FRYL: variants seen among roughly 807,000 people sequenced by gnomAD.
The protein encoded by FRYL is protein furry homolog-like.
A neutral mutation model predicts 351.2 loss-of-function variants in FRYL; 150 were observed. The observed-to-expected ratio is 0.43, with a 90% CI of 0.37 to 0.49. The LOEUF (loss-of-function observed/expected upper bound fraction) is 0.49, where lower values mean the gene tolerates loss of function less well. Ranked by LOEUF, FRYL falls within the 20% of genes least tolerant of loss-of-function variation. The pLI, the probability that FRYL is intolerant of heterozygous loss-of-function variation, is 0.00. For synonymous variants in FRYL, 1,153 were observed against 1,257.1 expected (o/e 0.92, Z 1.75); for missense variants, 3,036 against 3,619.3 (o/e 0.84, Z 4.13).
chr4:48,585,388 T>C (rs1464355269), intron 19 of FRYL, among the ~76,000 whole-genome samples: 2 of 152,282 alleles, frequency 1.3e-5, no homozygotes, highest in Admixed American at 6.5e-5. Context: ...TGCCAGGGTG[T>C]GTGAAAAGCT....
chr4:48,707,400 G>T (rs1431778787), intron 2 of FRYL, among the ~76,000 whole-genome samples: 1 of 152,116 alleles, frequency 6.6e-6, no homozygotes, highest in African/African-American at 2.4e-5. Context: ...ATGATGTCTA[G>T]AATTTGCTTT....
At chr4:48,652,069 A>T (rs1313366447) in intron 3 of FRYL, among the ~76,000 whole-genome samples, 1 of 152,234 alleles carries the variant, frequency 6.6e-6, no homozygotes, top group Admixed American at 6.5e-5. Flanking sequence ...CTTTACAAAC[A>T]TCTGTTTTTG....
chr4:48,557,257 C>T (rs1734325972), intron 34 of FRYL, 139 bp from the exon 35 acceptor site: 6 of 1,225,494 alleles, frequency 4.9e-6, no homozygotes, highest in South Asian at 1.7e-5. Context: ...ACAATAATTT[C>T]TTCCAACAAA....
At chr4:48,600,948 T>C (rs911258061) in intron 13 of FRYL, among the ~76,000 whole-genome samples, 1 of 152,166 alleles carries the variant, frequency 6.6e-6, no homozygotes, top group Non-Finnish European at 1.5e-5. Flanking sequence ...TCAACGTTTA[T>C]CTAGAAGGAA....
chr4:48,672,215 G>A (rs776047104), intron 3 of FRYL, among the ~76,000 whole-genome samples: 26 of 152,192 alleles, frequency 1.7e-4, no homozygotes, highest in Non-Finnish European at 3.7e-4. Context: ...CTAGTCTAGA[G>A]CGATTAAGTA....
intron 29 of FRYL, 83 bp downstream of exon 29, chr4:48,565,448 C>G (rs1736564180): frequency 3.8e-6 from 4 of 1,056,700 alleles, no homozygotes; most frequent in Non-Finnish European, 5.3e-6. Context: ...CTCAGATCCT[C>G]TTTTTAATAC....
chr4:48,762,468 A>G (rs1774515325), intron 1 of FRYL, among the ~76,000 whole-genome samples: 1 of 152,188 alleles, frequency 6.6e-6, no homozygotes, highest in South Asian at 2.1e-4. Context: ...GGTAACAATA[A>G]ATTCTATTTT....
intron 26 of FRYL, among the ~76,000 whole-genome samples, 159 bp downstream of exon 26, chr4:48,573,026 TG>T (rs1738697218): frequency 6.6e-6 from 1 of 152,180 alleles, no homozygotes; most frequent in Admixed American, 6.5e-5. Context: ...TTTTACATAA[TG>T]GGTTTCTGCA....
intron 2 of FRYL, 148 bp from the exon 3 acceptor site, chr4:48,684,943 A>AT (rs1237729847): frequency 6.6e-6 from 1 of 152,164 alleles, no homozygotes; most frequent in Non-Finnish European, 1.5e-5. Flanking sequence ...GTTACATGAC[A>AT]TTTTTTCTAA....
chr4:48,510,036 G>A (rs747500062), intron 59 of FRYL, 23 bp downstream of exon 59: 56 of 1,549,014 alleles, frequency 3.6e-5, no homozygotes, highest in Non-Finnish European at 3.9e-5. Context: ...ACCACTTTTC[G>A]CACATGGTAA....
At chr4:48,734,633 GAT>G (rs1771098357) in intron 1 of FRYL, among the ~76,000 whole-genome samples, 1 of 152,162 alleles carries the variant, frequency 6.6e-6, no homozygotes, top group Non-Finnish European at 1.5e-5. Context: ...CAGTCACTAA[GAT>G]AGAACACATT....
chr4:48,731,381 T>C (rs1434625228), intron 1 of FRYL, among the ~76,000 whole-genome samples: 2 of 152,204 alleles, frequency 1.3e-5, no homozygotes, highest in African/African-American at 4.8e-5. Flanking sequence ...ATAGATTCCA[T>C]GCTATCCCCA....
chr4:48,747,186 G>A (rs1259948417), intron 1 of FRYL, among the ~76,000 whole-genome samples: 1 of 150,128 alleles, frequency 6.7e-6, no homozygotes, highest in African/African-American at 2.4e-5. Flanking sequence ...AAGATTCCAG[G>A]AAGAGAAGTA....
intron 16 of FRYL, among the ~76,000 whole-genome samples, chr4:48,591,074 T>TAATATTGTCTCTATAGATATTGTCTC (rs1743143307): frequency 9.9e-5 from 15 of 152,282 alleles, no homozygotes; most frequent in African/African-American, 3.4e-4. Flanking sequence ...TCTCTAAGGC[T>TAATATTGTCTCTATAGATATTGTCTC]TATAGCAATC....
intron 1 of FRYL, among the ~76,000 whole-genome samples, chr4:48,750,979 T>C (rs1441993985): frequency 6.6e-6 from 1 of 152,176 alleles, no homozygotes; most frequent in East Asian, 1.9e-4. Flanking sequence ...TGGAACTGAC[T>C]TCAGGCTGAG....
chr4:48,562,571 G>T (rs1735764213), intron 32 of FRYL, among the ~76,000 whole-genome samples: 1 of 152,096 alleles, frequency 6.6e-6, no homozygotes, highest in African/African-American at 2.4e-5. Context: ...AAAAAATTTG[G>T]ACACACATTG....
chr4:48,571,745 C>A, intron 26 of FRYL: 1 of 969,924 alleles, frequency 1.0e-6, no homozygotes, highest in Non-Finnish European at 1.2e-6. Flanking sequence ...AGGATGATTT[C>A]TTATCAGTCT....
chr4:48,669,307 G>A (rs1281304961), intron 3 of FRYL, among the ~76,000 whole-genome samples: 1 of 152,096 alleles, frequency 6.6e-6, no homozygotes, highest in Non-Finnish European at 1.5e-5. Flanking sequence ...CCTCAGAGTG[G>A]AGCTGAGTTC....
intron 1 of FRYL, among the ~76,000 whole-genome samples, chr4:48,717,954 GACATATTATTCT>G (rs1265567906): frequency 6.6e-6 from 1 of 151,498 alleles, no homozygotes; most frequent in African/African-American, 2.4e-5. Context: ...ACCAATATCT[GACATATTATTCT>G]ACATCACCTT....
Sources: allele counts gnomAD v4.1 joint callset (sites outside exome capture counted in the v4.1 genomes callset), GRCh38; gene constraint gnomAD v4.1.1; transcripts MANE v1.5; gene names NCBI Gene and HGNC (gene_info 2026-07-23, HGNC 2026-07-21).